Variants in SERAC1 observed in about 807,000 individuals in gnomAD.
SERAC1 encodes the protein serine active site containing 1, also known as protein SERAC1.
A neutral mutation model predicts 85.7 loss-of-function variants in SERAC1; 36 were observed. The observed-to-expected ratio is 0.42, with a 90% confidence interval of 0.32 to 0.55. The LOEUF (loss-of-function observed/expected upper bound fraction) is 0.55. Among genes scored for constraint, SERAC1 ranks in the 20% least tolerant of loss-of-function variants. The pLI is 0.11. For synonymous variants in SERAC1, 242 were observed against 265.3 expected, an observed-to-expected ratio of 0.91 and a Z score of 0.85; for missense variants, 629 against 796.2, an observed-to-expected ratio of 0.79 and a Z score of 2.53.
At chr6:158,152,978 G>A (rs776370143) in intron 3 of SERAC1, 7 of 151,952 alleles carry the variant, frequency 4.6e-5, no homozygotes, top group Non-Finnish European at 8.8e-5. Flanking sequence ...TACACATTTC[G>A]GCTTACAAAT....
intron 2 of SERAC1, among the ~76,000 whole-genome samples, chr6:158,155,987 A>G (rs1785322745): frequency 6.6e-6 from 1 of 152,026 alleles, no homozygotes; most frequent in Non-Finnish European, 1.5e-5. Flanking sequence ...TCTACTAAAT[A>G]TTAAAAAAAA....
intron 10 of SERAC1, among the ~76,000 whole-genome samples, chr6:158,123,638 C>T (rs544462414): frequency 2.0e-5 from 3 of 152,302 alleles, no homozygotes; most frequent in South Asian, 2.1e-4. Context: ...ATGCTGACAA[C>T]CAATCTGCAA....
At chr6:158,159,628 CTTTTTT>C (rs201267756) in intron 1 of SERAC1, among the ~76,000 whole-genome samples, 1 of 143,328 alleles carries the variant, frequency 7.0e-6, no homozygotes, top group East Asian at 2.0e-4. Flanking sequence ...TTAAGATTAT[CTTTTTT>C]TTTTTTTTGA....
chr6:158,141,702 A>G (rs1041888754), intron 8 of SERAC1, among the ~76,000 whole-genome samples: 1 of 152,206 alleles, frequency 6.6e-6, no homozygotes, highest in Non-Finnish European at 1.5e-5. Context: ...ATACCTTGTC[A>G]AAAAACCATG....
intron 3 of SERAC1, among the ~76,000 whole-genome samples, chr6:158,154,843 G>GAGTGCCCGATTTA (rs1785287633): frequency 6.6e-6 from 1 of 152,172 alleles, no homozygotes. Context: ...AGAGCTGAGT[G>GAGTGCCCGATTTA]AGTGCCCGAT....
chr6:158,144,343 G>A lies in SERAC1; in HGVS notation c.565C>T (p.Leu189Phe). The change falls in exon 7 of 17, where the codon CTT becomes TTT. Residue 189 changes from leucine (L) to phenylalanine (F), a missense_variant. By Grantham distance (22) the Leu-to-Phe change is conservative. Transcript: ENST00000647468. ...GGAGGTGGTAGGAGAAAAAAGCGAA[G>A]ATCACTCTCTTCGCTTCGTGCCAAA... ...IGLARSEESDLRFFLLPPPLP... is the reference protein window; with the variant it reads ...IGLARSEESDFRFFLLPPPLP... 1 of 1,613,332 alleles carries A rather than the reference G, an allele frequency of 6.2e-7. No individual in the cohort carries two copies. Among genetic ancestry groups the A allele is most frequent in the Non-Finnish European group, 8.5e-7 (1 of 1,179,448 alleles).
At position 158,143,060 on chromosome 6, in the gene SERAC1, T is replaced by C. The variant is rs1487288894; in HGVS notation, c.734A>G (p.Gln245Arg). 3 of 1,608,940 alleles carry C rather than the reference T, an allele frequency of 1.9e-6. No individual in the cohort carries two copies. Among genetic ancestry groups the C allele is most frequent in the Non-Finnish European group, 2.5e-6 (3 of 1,177,214 alleles). The change falls in exon 8 of 17, where the codon CAG becomes CGG. Residue 245 changes from glutamine to arginine, a missense_variant. By Grantham distance (43) the Gln-to-Arg change is conservative (BLOSUM62 1). Coordinates refer to ENST00000647468, the MANE Select transcript of SERAC1 (RefSeq NM_032861.4). ...TGAATGAATACATGAACTAACCTTC[T>C]GAGCAGCTAGACTCTGACTGCTTTC... is the stretch of plus-strand genomic sequence containing the variant. The part of the protein sequence containing the change: ...LSESSQSLAA[Q>R]KGGLWCFGGN...
chr6:158,137,030 C>T (rs2758276), intron 8 of SERAC1, among the ~76,000 whole-genome samples: 80,389 of 151,496 alleles, frequency 0.53, 21,648 homozygotes, highest in African/African-American at 0.61. Context: ...TGGTGGCTCG[C>T]GCCTGTAGTC....
intron 15 of SERAC1, 26 bp from the exon 16 acceptor site, chr6:158,113,618 G>T: frequency 6.4e-7 from 1 of 1,570,946 alleles, no homozygotes; most frequent in Non-Finnish European, 8.7e-7. Context: ...GAACAAGACT[G>T]TGACAAGTTG....
chr6:158,163,759 G>C (rs2128426241), intron 1 of SERAC1, among the ~76,000 whole-genome samples: 1 of 145,624 alleles, frequency 6.9e-6, no homozygotes, highest in Non-Finnish European at 1.5e-5. Context: ...TTTTGACAGA[G>C]TCTCACTCTG....
Position 158,117,943 on chromosome 6 carries a change from A to C in SERAC1, c.1309-122T>G, listed in dbSNP as rs1784331266. Reference sequence around the variant, plus strand: ...TATAATTAAAGATAGCACTGGAATAAGGTTTGAAGGTACCGTAAAAACAAT... The same window carrying C: ...TATAATTAAAGATAGCACTGGAATACGGTTTGAAGGTACCGTAAAAACAAT... On this transcript the variant is annotated intron_variant, in intron 12 of 16. Transcript: ENST00000647468. This position sits in a 1 kb window ranked among gnomAD's most constrained non-coding sequence, Gnocchi z 4.3. 1.4e-6 allele frequency: 1 copy of C among 718,046 alleles called. No homozygotes were observed. The highest frequency in any genetic ancestry group is 2.3e-6 in the Non-Finnish European group (1 of 434,002). The allele number at this position is 718,046 out of a possible 1,614,324, so 44.5% of individuals were successfully genotyped here. A position where few individuals can be genotyped will look rare whatever the true frequency, so the allele number is the denominator to read the frequency against.
chr6:158,114,454 A>G, intron 15 of SERAC1: 1 of 1,075,594 alleles, frequency 9.3e-7, no homozygotes, highest in Non-Finnish European at 1.1e-6. Context: ...ACATTTTAAC[A>G]GTTGATGATT....
rs1266183507 is a variant in SERAC1 at position 158,150,538 on chromosome 6, T to C, written c.180A>G (p.Thr60=). 1.2e-6 allele frequency: 2 copies of C among 1,601,428 alleles called. No individual in the cohort carries two copies. The highest frequency in any genetic ancestry group is 1.7e-5 in the Admixed American group (1 of 59,994). ...CTCGTTCTACCACTTGAGTATCTAA[T>C]GTCACAGCCTTCTTCAGGGCCAGAA... ...YEVLALKKAV[T]LDTQVVEREK... is the part of the protein sequence containing the mutation. The change falls in exon 4 of 17, where the codon ACA becomes ACG. Residue 60 remains threonine, a synonymous_variant. Coordinates refer to ENST00000647468, the MANE Select transcript of SERAC1 (RefSeq NM_032861.4).
Position 158,121,122 on chromosome 6 carries a change from C to G in SERAC1, c.1016-547G>C, listed in dbSNP as rs140909883. Among the ~76,000 whole-genome samples the G allele has an allele frequency of 3.9e-3, 590 of 151,846 alleles. 5 individuals carry two copies. Among genetic ancestry groups the G allele is most frequent in the African/African-American group, 0.014 (565 of 41,416 alleles). ...AAATGCATGGATAATACTATCTATG[C>G]TATGATTTCTTTTTTTTAATGTTTT... On this transcript the variant is annotated intron_variant, in intron 10 of 16. Transcript: ENST00000647468.
At chr6:158,116,487 C>T (rs933955323) in intron 13 of SERAC1, 2 of 523,014 alleles carry the variant, frequency 3.8e-6, no homozygotes, top group African/African-American at 3.8e-5. Flanking sequence ...ATCCTCCCAC[C>T]TCGGCCTCCC....
chr6:158,162,366 T>C (rs1482430394), intron 1 of SERAC1, among the ~76,000 whole-genome samples: 1 of 152,224 alleles, frequency 6.6e-6, no homozygotes, highest in African/African-American at 2.4e-5. Flanking sequence ...TACTTATCAT[T>C]ACTATCAATA....
At position 158,113,435 on chromosome 6, in the gene SERAC1, A is replaced by AAAAG. The variant is rs771509009; in HGVS notation, c.1828+10_1828+13dup. On this transcript the variant is annotated intron_variant, in intron 16 of 16. Transcript: ENST00000647468. ...AAGCATCTAACAGCCAACAAGTTTC[A>AAAAG]AAAGAGTGAATACCTGCTGATTCCA... 5.6e-6 allele frequency: 9 copies of AAAAG among 1,603,776 alleles called. No individual in the cohort carries two copies. The highest frequency in any genetic ancestry group is 7.7e-6 in the Non-Finnish European group (9 of 1,173,266).
chr6:158,152,332 A>G (rs1257752172), intron 3 of SERAC1, among the ~76,000 whole-genome samples: 1 of 152,194 alleles, frequency 6.6e-6, no homozygotes, highest in Non-Finnish European at 1.5e-5. Flanking sequence ...CCTGGCCAAC[A>G]TGGCAAAACC....
intron 1 of SERAC1, among the ~76,000 whole-genome samples, chr6:158,164,523 C>T (rs1456339146): frequency 6.6e-6 from 1 of 151,916 alleles, no homozygotes; most frequent in Non-Finnish European, 1.5e-5. Context: ...AAATCTGAAA[C>T]ACTGATTTTA....
Sources: gnomAD v4.1 joint callset for allele counts (sites outside exome capture counted in the v4.1 genomes callset) on GRCh38, gnomAD v4.1.1 for gene constraint, Gnocchi (gnomAD v3.1) non-coding constraint, MANE v1.5 for transcripts, NCBI Gene and HGNC (gene_info 2026-07-23, HGNC 2026-07-21) for gene names.